The following PTPN18 variants were observed in gnomAD, a reference collection of about 807,000 sequenced individuals.
The protein encoded by PTPN18 is tyrosine-protein phosphatase non-receptor type 18.
A neutral mutation model predicts 65.4 loss-of-function variants in PTPN18; 65 were observed. That is an observed-to-expected ratio of 0.99 (90% CI 0.81 to 1.22). The LOEUF is 1.22. Among genes scored for constraint, PTPN18 ranks in the 50% most tolerant of loss-of-function variants. The pLI is 0.00. For synonymous variants in PTPN18, 255 were observed against 267.8 expected (o/e 0.95, Z 0.47); for missense variants, 616 against 646.5 (o/e 0.95, Z 0.51).
intron 5 of PTPN18, among the ~76,000 whole-genome samples, chr2:130,362,696 G>C (rs1034879570): frequency 5.9e-5 from 9 of 152,064 alleles, no homozygotes; most frequent in African/African-American, 2.2e-4. Flanking sequence ...TATTATAGTT[G>C]TTTTAGAATA....
intron 8 of PTPN18, 44 bp from the exon 9 acceptor site, chr2:130,370,513 T>A: frequency 1.9e-6 from 3 of 1,609,520 alleles, no homozygotes; most frequent in Non-Finnish European, 2.6e-6. Context: ...CTAAAAGGGG[T>A]TGTGGTCAGG....
intron 5 of PTPN18, among the ~76,000 whole-genome samples, chr2:130,362,731 T>G (rs983780261): frequency 1.3e-5 from 2 of 152,226 alleles, no homozygotes; most frequent in Non-Finnish European, 2.9e-5. Context: ...TTTATTGATA[T>G]ACAATTCAGT....
At chr2:130,371,413 G>A in intron 12 of PTPN18, 126 bp downstream of exon 12, 1 of 815,270 alleles carries the variant, frequency 1.2e-6, no homozygotes, top group East Asian at 2.7e-5. Context: ...TCTTCGAATT[G>A]AGCTCTGGGA....
chr2:130,369,256 G>T (rs1205401787), intron 6 of PTPN18, 55 bp downstream of exon 6: 1 of 1,511,886 alleles, frequency 6.6e-7, no homozygotes, highest in Non-Finnish European at 9.2e-7. Context: ...CTTTGGGTTG[G>T]GCCTAAAAGG....
intron 5 of PTPN18, among the ~76,000 whole-genome samples, chr2:130,360,836 CTTTT>C (rs761633333): frequency 8.4e-4 from 122 of 145,042 alleles, no homozygotes; most frequent in African/African-American, 3.0e-3. Flanking sequence ...TCATTTTCCA[CTTTT>C]TTTTTTTTTG....
In PTPN18 at chr2:130,373,845, C is replaced by G. The variant is rs906796708; in HGVS notation, c.*621C>G. On this transcript the variant is annotated 3_prime_UTR_variant, in exon 15 of 15. Coordinates refer to ENST00000175756, the MANE Select transcript of PTPN18 (RefSeq NM_014369.4). The surrounding 1 kb of genome is among the most constrained non-coding windows in gnomAD (Gnocchi z 4.1). ...AGACCAGTGCAGCCAGAGAGACCAC[C>G]AAACAGAGCCCCCAAAAGACAGACA... The G allele has an allele frequency of 6.5e-6, 1 of 154,854 alleles. No individual in the cohort carries two copies. The highest frequency in any genetic ancestry group is 2.4e-5 in the African/African-American group (1 of 41,470). 9.6% of individuals were successfully genotyped at this position (154,854 alleles called of 1,614,324 possible). A position where few individuals can be genotyped will look rare whatever the true frequency, so the allele number is the denominator to read the frequency against.
chr2:130,370,871 A>G lies in PTPN18; in HGVS notation c.835-4A>G. The G allele has an allele frequency of 2.5e-6, 4 of 1,613,902 alleles. No homozygotes were observed. Among genetic ancestry groups the G allele is most frequent in the Non-Finnish European group, 3.4e-6 (4 of 1,179,906 alleles). Reference sequence around the variant, plus strand: ...CCCTTCTTGATGGTCCCTCACCCCAACAGGAGCAGTACAGGTTCCTGTACC... The same window carrying G: ...CCCTTCTTGATGGTCCCTCACCCCAGCAGGAGCAGTACAGGTTCCTGTACC... On this transcript the variant is annotated splice_region_variant and splice_polypyrimidine_tract_variant and intron_variant, in intron 10 of 14. Transcript: ENST00000175756.
Position 130,372,250 on chromosome 2 carries a change from C to A in PTPN18, c.1014-7C>A. On this transcript the variant is annotated splice_region_variant and splice_polypyrimidine_tract_variant and intron_variant, in intron 12 of 14. Transcript: ENST00000175756. ...TTTCACTTCCTCCCGGCCCTCCCTG[C>A]CTGCAGGAGCATCTCTGTGCCCGGG... The A allele has an allele frequency of 6.4e-7, 1 of 1,572,612 alleles. No individual in the cohort carries two copies.
At chr2:130,359,106 A>G (rs1680100640) in intron 2 of PTPN18, 127 bp from the exon 3 acceptor site, 4 of 1,470,362 alleles carry the variant, frequency 2.7e-6, no homozygotes, top group Middle Eastern at 1.8e-4. Context: ...TCAGCAGCCC[A>G]CAAGGGCACC....
At chr2:130,369,031 C>T in intron 5 of PTPN18, 102 bp from the exon 6 acceptor site, 1 of 971,178 alleles carries the variant, frequency 1.0e-6, no homozygotes. Flanking sequence ...GCTGCCTGTG[C>T]TTCCACCACG....
intron 10 of PTPN18, 29 bp from the exon 11 acceptor site, chr2:130,370,846 C>T (rs1680536162): frequency 1.2e-6 from 2 of 1,612,790 alleles, no homozygotes; most frequent in South Asian, 2.2e-5. Flanking sequence ...CCCCTGCCTT[C>T]CCTTCTTGAT....
At position 130,373,679 on chromosome 2, in the gene PTPN18, G is replaced by A. The variant is rs1468862682; in HGVS notation, c.*455G>A. On this transcript the variant is annotated 3_prime_UTR_variant, in exon 15 of 15. Transcript: ENST00000175756. This position sits in a 1 kb window ranked among gnomAD's most constrained non-coding sequence, Gnocchi z 4.1. ...CAGCCAAGCAGATTAACCCCAGGCA[G>A]ACCGATAAAAAGACCTCCAGATAGG... 6.5e-6 allele frequency: 1 copy of A among 154,404 alleles called. No individual in the cohort carries two copies. The highest frequency in any genetic ancestry group is 2.4e-5 in the African/African-American group (1 of 41,474). 9.6% of individuals were successfully genotyped at this position (154,404 alleles called of 1,614,324 possible). A position where few individuals can be genotyped will look rare whatever the true frequency, so the allele number is the denominator to read the frequency against.
Position 130,374,519 on chromosome 2 carries a change from T to C in PTPN18, c.*1295T>C, listed in dbSNP as rs2104960299. On this transcript the variant is annotated 3_prime_UTR_variant, in exon 15 of 15. Transcript: ENST00000175756. Reference sequence around the variant, plus strand: ...GCCCATGGTAGGGTTCCTGCTAGGATAAAACATTAAGCGGCTGTTAAAAGA... The same window carrying C: ...GCCCATGGTAGGGTTCCTGCTAGGACAAAACATTAAGCGGCTGTTAAAAGA... 1 of 419,544 alleles carries C rather than the reference T, an allele frequency of 2.4e-6. No homozygotes were observed. The highest frequency in any genetic ancestry group is 7.2e-5 in the East Asian group (1 of 13,948). The allele number at this position is 419,544 out of a possible 1,614,324, so 26.0% of individuals were successfully genotyped here.
chr2:130,372,523 T>G, intron 13 of PTPN18, 40 bp downstream of exon 13: 1 of 1,403,094 alleles, frequency 7.1e-7, no homozygotes, highest in Non-Finnish European at 9.2e-7. Context: ...ATCATCCTGC[T>G]GTGATCCGCA....
At position 130,359,788 on chromosome 2, in the gene PTPN18, C is replaced by G. The variant is rs987134107; in HGVS notation, c.414+142C>G. 7 of 1,049,186 alleles carry G rather than the reference C, an allele frequency of 6.7e-6. No individual in the cohort carries two copies. The African/African-American group carries it at 1.1e-4, about 17-fold the overall frequency. 65.0% of individuals were successfully genotyped at this position (1,049,186 alleles called of 1,614,324 possible). A position where few individuals can be genotyped will look rare whatever the true frequency, so the allele number is the denominator to read the frequency against. ...AGCTCTGTGGGAAGCCCCATTGTTCCTCTAAGTTTTTGTTGATATGTTATT... is the reference window on the plus strand; with the variant it reads ...AGCTCTGTGGGAAGCCCCATTGTTCGTCTAAGTTTTTGTTGATATGTTATT... On this transcript the variant is annotated intron_variant, in intron 5 of 14. Transcript: ENST00000175756.
intron 5 of PTPN18, among the ~76,000 whole-genome samples, chr2:130,361,563 T>TTTCTTTCTTTCTTTCTTTCTTTC (rs1680213275): frequency 8.0e-6 from 1 of 125,744 alleles, no homozygotes; most frequent in African/African-American, 3.1e-5. Flanking sequence ...TCTTTCTTTC[T>TTTCTTTCTTTCTTTCTTTCTTTC]TTCCTTTCTT....
chr2:130,369,254 TG>T, intron 6 of PTPN18, 53 bp downstream of exon 6: 1 of 1,535,682 alleles, frequency 6.5e-7, no homozygotes, highest in East Asian at 2.3e-5. Context: ...GGCTTTGGGT[TG>T]GGCCTAAAAG....
chr2:130,369,132 G>A lies in PTPN18; in HGVS notation c.415-1G>A. 2 of 1,609,540 alleles carry A rather than the reference G, an allele frequency of 1.2e-6. No individual in the cohort carries two copies. The highest frequency in any genetic ancestry group is 1.7e-6 in the Non-Finnish European group (2 of 1,177,046). Reference sequence around the variant, plus strand: ...TGCCTTTTCTCCCTTACCTTTTGCAGAAAAGGTGTGAGCGGTACTGGGCCC... The same window carrying A: ...TGCCTTTTCTCCCTTACCTTTTGCAAAAAAGGTGTGAGCGGTACTGGGCCC... On this transcript the variant is annotated splice_acceptor_variant, in intron 5 of 14. Coordinates refer to ENST00000175756, the MANE Select transcript of PTPN18 (RefSeq NM_014369.4). LOFTEE classifies it high-confidence loss of function.
At chr2:130,356,758 C>T (rs1679986679) in intron 1 of PTPN18, 1 of 399,766 alleles carries the variant, frequency 2.5e-6, no homozygotes, top group African/African-American at 2.1e-5. Flanking sequence ...CTACCTGGCC[C>T]CTCTGACCTC....
Sources: gnomAD v4.1 joint callset for allele counts (sites outside exome capture counted in the v4.1 genomes callset) on GRCh38, gnomAD v4.1.1 for gene constraint, Gnocchi (gnomAD v3.1) non-coding constraint, MANE v1.5 for transcripts, NCBI Gene and HGNC (gene_info 2026-07-23, HGNC 2026-07-21) for gene names.